SYN3: variants seen among roughly 807,000 people sequenced by gnomAD.
SYN3 encodes the protein synapsin III.
A neutral mutation model predicts 65.8 loss-of-function variants in SYN3; 35 were observed. The ratio of observed to expected loss-of-function variants is 0.53; its 90% confidence interval spans 0.41 to 0.70. The LOEUF is 0.70. SYN3 is among the 30% of genes least tolerant of loss of function. SYN3 has a pLI of 0.00. For missense variants in SYN3, 680 were observed against 749.0 expected (o/e 0.91, Z 1.08); for synonymous variants, 270 against 292.9 (o/e 0.92, Z 0.80).
chr22:32,948,462 C>T (rs938665673), intron 3 of SYN3, among the ~76,000 whole-genome samples: 5 of 152,066 alleles, frequency 3.3e-5, no homozygotes, highest in East Asian at 1.9e-4. Flanking sequence ...TTGGGCCAGG[C>T]GCGGTGGCTC....
intron 2 of SYN3, among the ~76,000 whole-genome samples, chr22:32,988,688 A>G (rs1371328919): frequency 6.6e-6 from 1 of 152,152 alleles, no homozygotes; most frequent in Non-Finnish European, 1.5e-5. Context: ...GTCAGGGGTC[A>G]CCTTCCTGAG....
intron 3 of SYN3, among the ~76,000 whole-genome samples, chr22:32,945,222 C>G (rs1314457838): frequency 6.6e-6 from 1 of 152,126 alleles, no homozygotes; most frequent in South Asian, 2.1e-4. Context: ...AAAAAAGAGC[C>G]CACACTGCCA....
intron 2 of SYN3, among the ~76,000 whole-genome samples, chr22:32,985,015 AG>A (rs2052481606): frequency 6.6e-6 from 1 of 152,204 alleles, no homozygotes; most frequent in Non-Finnish European, 1.5e-5. Flanking sequence ...GCAACAAGGC[AG>A]TAAAGTGCAA....
intron 6 of SYN3, among the ~76,000 whole-genome samples, chr22:32,843,145 A>T (rs1207970121): frequency 6.6e-6 from 1 of 152,038 alleles, no homozygotes; most frequent in Non-Finnish European, 1.5e-5. Flanking sequence ...CATTGTCCAC[A>T]GTTGGAAAGT....
intron 2 of SYN3, among the ~76,000 whole-genome samples, chr22:32,986,505 G>A (rs764747295): frequency 6.6e-6 from 1 of 152,200 alleles, no homozygotes. Flanking sequence ...CTGCAAGTCA[G>A]AAGTCTGTCT....
intron 3 of SYN3, among the ~76,000 whole-genome samples, chr22:32,956,041 C>CACATATATATATATATATATATATAT: frequency 7.7e-6 from 1 of 130,678 alleles, no homozygotes; most frequent in African/African-American, 3.3e-5. Context: ...AATAAATTCA[C>CACATATATATATATATATATATATAT]ATATATATAT....
rs902956011 is a variant in SYN3 at position 32,688,880 on chromosome 22, G to A, written c.712-92144C>T. 2.0e-4 allele frequency among the ~76,000 whole-genome samples: 30 copies of A among 152,236 alleles called. 1 individual carries two copies. Among genetic ancestry groups the A allele is most frequent in the African/African-American group, 6.7e-4 (28 of 41,554 alleles). On this transcript the variant is annotated intron_variant, in intron 6 of 13. Transcript: ENST00000358763. ...GGCTGGTGTCTAGGGAGAGGCAGCCGTAGGCAGGGGCCTGGGGGTGAGCAA... is the reference window on the plus strand; with the variant it reads ...GGCTGGTGTCTAGGGAGAGGCAGCCATAGGCAGGGGCCTGGGGGTGAGCAA...
At chr22:32,991,450 T>TTA (rs946748671) in intron 2 of SYN3, among the ~76,000 whole-genome samples, 1 of 152,100 alleles carries the variant, frequency 6.6e-6, no homozygotes, top group African/African-American at 2.4e-5. Flanking sequence ...CACCAGGCCC[T>TTA]TATTCCCACA....
chr22:32,856,660 C>T (rs2048376524), intron 6 of SYN3, among the ~76,000 whole-genome samples: 1 of 152,156 alleles, frequency 6.6e-6, no homozygotes, highest in African/African-American at 2.4e-5. Flanking sequence ...TTTCTTCATG[C>T]TGGGAACATC....
intron 7 of SYN3, 25 bp downstream of exon 7, chr22:32,596,649 T>C: frequency 6.2e-7 from 1 of 1,611,100 alleles, no homozygotes; most frequent in Non-Finnish European, 8.5e-7. Context: ...GTGTCCACTG[T>C]GAGTGGAAGG....
At chr22:32,753,869 GGCCTGCTCTCACGGAGCTCACGT>G (rs1457369319) in intron 6 of SYN3, among the ~76,000 whole-genome samples, 2 of 152,150 alleles carry the variant, frequency 1.3e-5, no homozygotes, top group East Asian at 3.9e-4. Flanking sequence ...GAGAGCCAGG[GGCCTGCTCTCACGGAGCTCACGT>G]GCTTGTGTGG....
Position 32,527,937 on chromosome 22 carries a change from C to T in SYN3, c.1299G>A (p.Gln433=). 1 of 1,589,956 alleles carries T rather than the reference C, an allele frequency of 6.3e-7. No individual in the cohort carries two copies. The highest frequency in any genetic ancestry group is 1.3e-5 in the African/African-American group (1 of 74,478). Reference sequence around the variant, plus strand: ...TCATACCTTGCGGAGGTGGGCGTGGCTGGGGCTGGCCTAGCTGAGGCCCCA... The same window carrying T: ...TCATACCTTGCGGAGGTGGGCGTGGTTGGGGCTGGCCTAGCTGAGGCCCCA... ...AQLGPQLGQP[Q]PRPPPQGGPR... is the part of the protein sequence containing the mutation. The change falls in exon 12 of 14, where the codon CAG becomes CAA. Residue 433 remains glutamine (Q), a synonymous_variant. Transcript: ENST00000358763.
At chr22:32,804,724 G>A (rs1235084703) in intron 6 of SYN3, among the ~76,000 whole-genome samples, 1 of 152,154 alleles carries the variant, frequency 6.6e-6, no homozygotes, top group Non-Finnish European at 1.5e-5. Flanking sequence ...GTGTTTCTAT[G>A]GCAACTCCAG....
chr22:32,641,393 G>A (rs2059896717), intron 6 of SYN3, among the ~76,000 whole-genome samples: 1 of 152,068 alleles, frequency 6.6e-6, no homozygotes, highest in Admixed American at 6.5e-5. Flanking sequence ...CGGATCATGA[G>A]GTCAGGAGAT....
intron 3 of SYN3, among the ~76,000 whole-genome samples, chr22:32,956,688 C>T (rs1034995946): frequency 6.6e-6 from 1 of 152,156 alleles, no homozygotes; most frequent in Non-Finnish European, 1.5e-5. Flanking sequence ...TGCTGATGGA[C>T]ATCTGGGTTG....
intron 3 of SYN3, among the ~76,000 whole-genome samples, chr22:32,952,583 C>G (rs1002646373): frequency 6.6e-6 from 1 of 151,992 alleles, no homozygotes; most frequent in African/African-American, 2.4e-5. Context: ...TAGTGAGACC[C>G]TGTCTCTACA....
intron 7 of SYN3, among the ~76,000 whole-genome samples, chr22:32,574,306 C>A (rs2058822105): frequency 6.6e-6 from 1 of 151,888 alleles, no homozygotes; most frequent in African/African-American, 2.4e-5. Flanking sequence ...ATAGTGAGAC[C>A]CTGTCTCTAA....
intron 6 of SYN3, among the ~76,000 whole-genome samples, chr22:32,732,436 C>G (rs1281060379): frequency 6.6e-6 from 1 of 152,202 alleles, no homozygotes; most frequent in Non-Finnish European, 1.5e-5. Context: ...CAACCCTTTC[C>G]ACTACCTTCA....
At chr22:33,033,016 C>T (rs2053781948) in intron 1 of SYN3, among the ~76,000 whole-genome samples, 1 of 146,730 alleles carries the variant, frequency 6.8e-6, no homozygotes, top group African/African-American at 2.5e-5. Context: ...TCAGAATAAA[C>T]TTTTTTTTTT....
Sources: gnomAD v4.1 joint callset for allele counts (sites outside exome capture counted in the v4.1 genomes callset) on GRCh38, gnomAD v4.1.1 for gene constraint, MANE v1.5 for transcripts, NCBI Gene and HGNC (gene_info 2026-07-23, HGNC 2026-07-21) for gene names.